TOX3: variants seen among roughly 807,000 people sequenced by gnomAD.
TOX3 encodes CAG trinucleotide repeat-containing gene F9 protein.
In TOX3, 22 loss-of-function variants were observed where a neutral mutation model predicts 64.3. That is an observed-to-expected ratio of 0.34 (90% CI 0.24 to 0.49). The LOEUF (loss-of-function observed/expected upper bound fraction) is 0.49, where lower values mean the gene tolerates loss of function less well. TOX3 is among the 20% of genes least tolerant of loss of function. The probability of loss-of-function intolerance (pLI) is 0.99; values close to 1 mark genes in which losing one functional copy is unlikely to be tolerated. For synonymous variants in TOX3, 291 were observed against 273.6 expected, an observed-to-expected ratio of 1.06 and a Z score of -0.63; for missense variants, 661 against 714.4, an observed-to-expected ratio of 0.93 and a Z score of 0.85.
intron 1 of TOX3, among the ~76,000 whole-genome samples, chr16:52,478,322 C>G (rs1055151568): frequency 6.6e-6 from 1 of 152,138 alleles, no homozygotes; most frequent in Admixed American, 6.5e-5. Flanking sequence ...CTCTGGGCCA[C>G]TCATTGCACT....
chr16:52,469,308 C>A (rs900511983), intron 1 of TOX3, among the ~76,000 whole-genome samples: 1 of 152,300 alleles, frequency 6.6e-6, no homozygotes, highest in South Asian at 2.1e-4. Context: ...CAGACTTAAG[C>A]TCTTTACCTC....
intron 1 of TOX3, among the ~76,000 whole-genome samples, chr16:52,474,838 G>A (rs1485137386): frequency 6.6e-6 from 1 of 152,062 alleles, no homozygotes; most frequent in Non-Finnish European, 1.5e-5. Context: ...ATTCAAGGGA[G>A]ATGCCCAATC....
At chr16:52,458,620 A>G (rs1373894771) in intron 3 of TOX3, among the ~76,000 whole-genome samples, 1 of 152,190 alleles carries the variant, frequency 6.6e-6, no homozygotes, top group Non-Finnish European at 1.5e-5. Flanking sequence ...AACAATAATC[A>G]TGTATCACAC....
chr16:52,457,182 C>T (rs1960544258), intron 3 of TOX3, among the ~76,000 whole-genome samples: 2 of 152,122 alleles, frequency 1.3e-5, no homozygotes, highest in South Asian at 4.2e-4. Flanking sequence ...AATTAGTAGT[C>T]CATAGCTATA....
chr16:52,490,092 C>A (rs951281058), intron 1 of TOX3, among the ~76,000 whole-genome samples: 1 of 152,022 alleles, frequency 6.6e-6, no homozygotes, highest in Non-Finnish European at 1.5e-5. Flanking sequence ...GATTTTTTAA[C>A]GCAGTATGCC....
At position 52,439,221 on chromosome 16, in the gene TOX3, G is replaced by A. The variant is rs775535717; in HGVS notation, c.*4C>T. The A allele has an allele frequency of 6.2e-6, 10 of 1,613,660 alleles. No individual in the cohort carries two copies. The East Asian group carries it at 6.7e-5, about 11-fold the overall frequency. On this transcript the variant is annotated 3_prime_UTR_variant, in exon 7 of 7. Coordinates refer to ENST00000219746, the MANE Select transcript of TOX3 (RefSeq NM_001080430.4). The stretch of plus-strand genomic sequence containing the variant: ...ATACGCAAATCCGTCTGCCATATGC[G>A]TCTTCAGAAAATACTGACCTGCGAT...
chr16:52,439,671 A>G lies in TOX3; in HGVS notation c.1285T>C (p.Ser429Pro). 6.2e-7 allele frequency: 1 copy of G among 1,613,844 alleles called. No individual in the cohort carries two copies. The highest frequency in any genetic ancestry group is 8.5e-7 in the Non-Finnish European group (1 of 1,179,772). The change falls in exon 7 of 7, where the codon TCC becomes CCC. Residue 429 changes from serine (S) to proline (P), a missense_variant. Physicochemically the swap from Ser to Pro is moderately conservative, Grantham distance 74. Transcript: ENST00000219746. The stretch of plus-strand genomic sequence containing the variant: ...TGCACCGAAGGACTCACTTGGGTGG[A>G]GGGTGCTGAGCCAACCATGGTCGTT... Reference protein sequence around the residue: ...MGTTMVGSAPSTQVSPSVQTQ... With the variant: ...MGTTMVGSAPPTQVSPSVQTQ...
At chr16:52,468,328 A>C (rs1386572919) in intron 2 of TOX3, among the ~76,000 whole-genome samples, 181 bp downstream of exon 2, 3 of 152,206 alleles carry the variant, frequency 2.0e-5, no homozygotes, top group African/African-American at 7.2e-5. Flanking sequence ...TCTACAGACA[A>C]GTGATAAAAG....
At chr16:52,469,325 C>T (rs1245458903) in intron 1 of TOX3, among the ~76,000 whole-genome samples, 2 of 152,126 alleles carry the variant, frequency 1.3e-5, no homozygotes, top group African/African-American at 4.8e-5. Flanking sequence ...CCTCTAGGGA[C>T]CTGTTATCAA....
At chr16:52,527,678 T>C (rs1962754584) in intron 1 of TOX3, among the ~76,000 whole-genome samples, 1 of 152,184 alleles carries the variant, frequency 6.6e-6, no homozygotes, top group Non-Finnish European at 1.5e-5. Flanking sequence ...AGTGCTGGCC[T>C]TCTTAGCTAT....
At chr16:52,493,097 AG>A (rs1961741193) in intron 1 of TOX3, among the ~76,000 whole-genome samples, 1 of 152,172 alleles carries the variant, frequency 6.6e-6, no homozygotes, top group East Asian at 1.9e-4. Flanking sequence ...TACCTGCAAA[AG>A]ACTATACAGT....
chr16:52,486,928 T>A (rs940054921), intron 1 of TOX3, among the ~76,000 whole-genome samples: 3 of 152,048 alleles, frequency 2.0e-5, no homozygotes, highest in African/African-American at 7.2e-5. Context: ...AAAGCGAGCC[T>A]CTACATCTTT....
chr16:52,525,534 C>T (rs1962710221), intron 1 of TOX3, among the ~76,000 whole-genome samples: 1 of 152,110 alleles, frequency 6.6e-6, no homozygotes, highest in South Asian at 2.1e-4. Context: ...CACTGCAACC[C>T]AAAGTATCTT....
intron 4 of TOX3, 77 bp downstream of exon 4, chr16:52,450,200 C>T: frequency 1.3e-6 from 2 of 1,542,672 alleles, no homozygotes; most frequent in African/African-American, 1.4e-5. Flanking sequence ...CAAGATAACA[C>T]CATGAATGAA....
rs1290785949 is a variant in TOX3 at position 52,440,461 on chromosome 16, T to C, written c.988-493A>G. Among the ~76,000 whole-genome samples, 3 of 152,208 alleles carry C rather than the reference T, an allele frequency of 2.0e-5. No individual in the cohort carries two copies. In the East Asian group the frequency reaches 5.8e-4, roughly 29 times the overall value. On this transcript the variant is annotated intron_variant, in intron 6 of 6. Coordinates refer to ENST00000219746, the MANE Select transcript of TOX3 (RefSeq NM_001080430.4). ...CTAACTGGCACTCTCTGAGGATAAA[T>C]GCTCATCTTACATCACATCATTGAG... is the stretch of plus-strand genomic sequence containing the variant.
rs1172145324 is a variant in TOX3 at position 52,536,676 on chromosome 16, T to TACAC, written c.87+9960_87+9961insGTGT. 1.8e-3 allele frequency among the ~76,000 whole-genome samples: 140 copies of TACAC among 78,376 alleles called. 6 individuals are homozygous for TACAC. In the East Asian group the frequency reaches 0.02, roughly 11 times the overall value. The allele number at this position is 78,376 out of a possible 152,430, so 51.4% of individuals were successfully genotyped here. ...ATATATATATATATATATATATATA[T>TACAC]ACATGTGTATATATAGAACAAGATA... On this transcript the variant is annotated intron_variant, in intron 1 of 6. Transcript: ENST00000219746.
chr16:52,519,355 G>A (rs1363058137), intron 1 of TOX3: 3 of 1,518,072 alleles, frequency 2.0e-6, no homozygotes, highest in Admixed American at 2.0e-5. Flanking sequence ...GACACTATCT[G>A]GTTAGCCTGT....
chr16:52,547,412 G>C (rs1370141595), upstream of TOX3: 7 of 147,574 alleles, frequency 4.7e-5, no homozygotes, highest in Admixed American at 2.0e-4. Context: ...CCACTGCCTC[G>C]GAGCGCTCCT....
At chr16:52,456,306 T>C (rs944467351) in intron 3 of TOX3, among the ~76,000 whole-genome samples, 1 of 152,234 alleles carries the variant, frequency 6.6e-6, no homozygotes. Flanking sequence ...TAAATATAAA[T>C]GTATAGCCTG....
Sources: gnomAD v4.1 joint callset for allele counts (sites outside exome capture counted in the v4.1 genomes callset) on GRCh38, gnomAD v4.1.1 for gene constraint, MANE v1.5 for transcripts, NCBI Gene and HGNC (gene_info 2026-07-23, HGNC 2026-07-21) for gene names.